Variants in TMEM114 observed in about 807,000 individuals in gnomAD.
TMEM114 encodes the protein claudin-26.
Under a neutral mutation model 6.2 loss-of-function variants are expected in TMEM114, and 6 were observed. That is an observed-to-expected ratio of 0.97 (90% CI 0.53 to 1.91). The LOEUF (loss-of-function observed/expected upper bound fraction) is 1.91, where lower values mean the gene tolerates loss of function less well. TMEM114 is among the 40% of genes most tolerant of loss of function. The pLI is 0.01. For missense variants in TMEM114, 218 were observed against 158.3 expected, an observed-to-expected ratio of 1.38 and a Z score of -2.02; for synonymous variants, 104 against 73.0, an observed-to-expected ratio of 1.42 and a Z score of -2.16.
chr16:8,544,707 C>G (rs997501263), intron 2 of TMEM114, among the ~76,000 whole-genome samples: 1 of 152,162 alleles, frequency 6.6e-6, no homozygotes, highest in Non-Finnish European at 1.5e-5. Flanking sequence ...TGGCAGTAGT[C>G]TCAGTGCAAA....
chr16:8,547,410 T>TTTA, intron 2 of TMEM114, among the ~76,000 whole-genome samples: 1 of 147,220 alleles, frequency 6.8e-6, no homozygotes, highest in African/African-American at 2.5e-5. Context: ...TTTTTTTTTT[T>TTTA]GAGACGGAGT....
At chr16:8,535,156 G>A (rs997205275), downstream of TMEM114, among the ~76,000 whole-genome samples, 2 of 152,148 alleles carry the variant, frequency 1.3e-5, no homozygotes, top group African/African-American at 2.4e-5. Flanking sequence ...ATAAACAGGG[G>A]CATATATTGG....
downstream of TMEM114, among the ~76,000 whole-genome samples, chr16:8,533,735 T>G (rs1476850995): frequency 6.6e-6 from 1 of 152,218 alleles, no homozygotes; most frequent in Non-Finnish European, 1.5e-5. Flanking sequence ...CCTTGAATGT[T>G]ACATTGGTTA....
rs1273026364 is a variant in TMEM114 at position 8,589,604 on chromosome 16, G to A, written c.220+15C>T. 5.0e-6 allele frequency: 2 copies of A among 398,384 alleles called. No homozygotes were observed. Among genetic ancestry groups the A allele is most frequent in the East Asian group, 3.6e-5 (1 of 28,066 alleles). The allele number at this position is 398,384 out of a possible 1,614,324, so 24.7% of individuals were successfully genotyped here. ...GTTCGCAGCCACAGCTCCCAGCCAC[G>A]GGGTGCACCCTTACCCCGGCAGGTC... On this transcript the variant is annotated intron_variant, in intron 1 of 3. Transcript: ENST00000620492.
At chr16:8,581,036 T>A (rs1481541632) in intron 2 of TMEM114, among the ~76,000 whole-genome samples, 1 of 152,136 alleles carries the variant, frequency 6.6e-6, no homozygotes, top group African/African-American at 2.4e-5. Context: ...TGTTTGACCA[T>A]CCACAGCACC....
At chr16:8,582,379 C>A (rs1329823413) in intron 2 of TMEM114, among the ~76,000 whole-genome samples, 3 of 152,204 alleles carry the variant, frequency 2.0e-5, no homozygotes, top group Non-Finnish European at 1.5e-5. Flanking sequence ...TGGAACATAC[C>A]AAGCTCAGTC....
intron 2 of TMEM114, among the ~76,000 whole-genome samples, chr16:8,555,901 G>T (rs1900995463): frequency 6.6e-6 from 1 of 152,126 alleles, no homozygotes; most frequent in South Asian, 2.1e-4. Context: ...AAGCCTGGTT[G>T]GCCTCACCCT....
chr16:8,538,434 T>C (rs1032162037), intron 2 of TMEM114, among the ~76,000 whole-genome samples: 2 of 151,792 alleles, frequency 1.3e-5, no homozygotes, highest in African/African-American at 2.4e-5. Context: ...ATTGTACCCA[T>C]GGAATTTTGG....
At chr16:8,571,781 C>T (rs1596309543) in intron 3 of TMEM114, among the ~76,000 whole-genome samples, 2 of 152,294 alleles carry the variant, frequency 1.3e-5, no homozygotes, top group African/African-American at 4.8e-5. Context: ...GGGTCTCCTG[C>T]CAGCTCACAG....
At chr16:8,539,057 T>C (rs780123207) in intron 2 of TMEM114, among the ~76,000 whole-genome samples, 15 of 152,218 alleles carry the variant, frequency 9.9e-5, no homozygotes, top group Admixed American at 4.6e-4. Flanking sequence ...TTCTGATTAT[T>C]AAATAGCGTA....
At chr16:8,574,707 C>A (rs1901859347) in intron 2 of TMEM114, among the ~76,000 whole-genome samples, 1 of 152,010 alleles carries the variant, frequency 6.6e-6, no homozygotes, top group Non-Finnish European at 1.5e-5. Flanking sequence ...AGACTGTGGC[C>A]AAGAAAGGAA....
intron 2 of TMEM114, among the ~76,000 whole-genome samples, chr16:8,553,973 G>C (rs922681365): frequency 7.9e-5 from 12 of 151,716 alleles, no homozygotes; most frequent in African/African-American, 2.9e-4. Flanking sequence ...CTGGCTCCCA[G>C]GTTCAAGCGA....
At chr16:8,545,012 T>A (rs59107720) in intron 2 of TMEM114, among the ~76,000 whole-genome samples, 1 of 152,182 alleles carries the variant, frequency 6.6e-6, no homozygotes, top group African/African-American at 2.4e-5. Flanking sequence ...CCACAGTGCA[T>A]GTTTCCAGTG....
chr16:8,538,548 C>T (rs1900427982), intron 2 of TMEM114, among the ~76,000 whole-genome samples: 1 of 151,936 alleles, frequency 6.6e-6, no homozygotes, highest in Non-Finnish European at 1.5e-5. Context: ...TGCTCTGTCG[C>T]CCAGGCTGGA....
rs564925930 is a variant in TMEM114 at position 8,547,879 on chromosome 16, C to T, written n.213-10053G>A. Among the ~76,000 whole-genome samples the T allele has an allele frequency of 4.4e-4, 67 of 152,258 alleles. No individual in the cohort carries two copies. In the Middle Eastern group the frequency reaches 0.01, roughly 23 times the overall value. On this transcript the variant is annotated intron_variant and non_coding_transcript_variant, in intron 2 of 2. Transcript: ENST00000623677. ...ACAGCTGAGAAACCCCTCTTACTTG[C>T]TGGGCTTGGGAGGCCCATCATTCCT...
At chr16:8,530,711 G>A in the TMEM114 span, among the ~76,000 whole-genome samples, 1 of 151,818 alleles carries the variant, frequency 6.6e-6, no homozygotes, top group African/African-American at 2.4e-5. Context: ...AGAGAATTGG[G>A]ATTGGGGAGG....
At chr16:8,574,462 T>C (rs1901845741) in intron 2 of TMEM114, among the ~76,000 whole-genome samples, 1 of 152,188 alleles carries the variant, frequency 6.6e-6, no homozygotes, top group Admixed American at 6.5e-5. Flanking sequence ...GCACTAACTT[T>C]GGTGAGTCAA....
At chr16:8,562,180 G>C (rs973019695) in intron 2 of TMEM114, among the ~76,000 whole-genome samples, 1 of 151,002 alleles carries the variant, frequency 6.6e-6, no homozygotes, top group African/African-American at 2.5e-5. Context: ...GAGTGAATGA[G>C]TCAGTGAGTG....
At chr16:8,565,780 T>C (rs571589902), downstream of TMEM114, among the ~76,000 whole-genome samples, 9 of 152,296 alleles carry the variant, frequency 5.9e-5, no homozygotes, top group Non-Finnish European at 8.8e-5. Context: ...GGGAACTTTG[T>C]GAACATAACA....
Sources: allele counts gnomAD v4.1 joint callset (sites outside exome capture counted in the v4.1 genomes callset), GRCh38; gene constraint gnomAD v4.1.1; transcripts MANE v1.5; gene names NCBI Gene and HGNC (gene_info 2026-07-23, HGNC 2026-07-21).